The following GRM5 variants were observed in gnomAD, a reference collection of about 807,000 sequenced individuals.
The protein encoded by GRM5 is glutamate metabotropic receptor 5.
GRM5 carries 19 observed loss-of-function variants against 83.1 expected under a neutral mutation model. That is an observed-to-expected ratio of 0.23 (90% CI 0.16 to 0.34). The LOEUF (loss-of-function observed/expected upper bound fraction) is 0.34. Ranked by LOEUF, GRM5 falls within the 10% of genes least tolerant of loss-of-function variation. The pLI is 1.00. For missense variants in GRM5, 1,160 were observed against 1,588.3 expected (o/e 0.73, Z 4.58); for synonymous variants, 675 against 633.6 (o/e 1.07, Z -0.98).
intron 8 of GRM5, among the ~76,000 whole-genome samples, chr11:88,563,369 T>C (rs1354304927): frequency 6.6e-6 from 1 of 152,194 alleles, no homozygotes; most frequent in Non-Finnish European, 1.5e-5. Flanking sequence ...GTACAAACTT[T>C]TGGAGACATA....
At chr11:88,992,022 T>A (rs1472961625) in intron 2 of GRM5, among the ~76,000 whole-genome samples, 2 of 152,084 alleles carry the variant, frequency 1.3e-5, no homozygotes, top group Non-Finnish European at 2.9e-5. Context: ...TGGGATCTAA[T>A]TAAACTAAAG....
At chr11:88,609,348 A>G (rs1938254644) in intron 4 of GRM5, among the ~76,000 whole-genome samples, 1 of 152,128 alleles carries the variant, frequency 6.6e-6, no homozygotes, top group Non-Finnish European at 1.5e-5. Context: ...TTAGTATTTC[A>G]TGGTGTATAT....
At chr11:88,657,239 C>T (rs1939786916) in intron 3 of GRM5, among the ~76,000 whole-genome samples, 2 of 152,056 alleles carry the variant, frequency 1.3e-5, no homozygotes, top group Non-Finnish European at 2.9e-5. Flanking sequence ...GGTCATTATT[C>T]ACTAATTTAC....
At chr11:88,542,634 T>C (rs1034566554) in intron 8 of GRM5, among the ~76,000 whole-genome samples, 4 of 152,342 alleles carry the variant, frequency 2.6e-5, no homozygotes, top group African/African-American at 7.2e-5. Flanking sequence ...TCTAGATACC[T>C]GGCATAGTAC....
chr11:88,968,105 A>G (rs1445799387), intron 2 of GRM5, among the ~76,000 whole-genome samples: 1 of 152,118 alleles, frequency 6.6e-6, no homozygotes, highest in Non-Finnish European at 1.5e-5. Flanking sequence ...AAAAAGCCCA[A>G]TTCAGGCTTA....
intron 3 of GRM5, among the ~76,000 whole-genome samples, chr11:88,763,154 T>C (rs1389390142): frequency 6.6e-6 from 1 of 151,912 alleles, no homozygotes; most frequent in Non-Finnish European, 1.5e-5. Flanking sequence ...AACCTGCACA[T>C]GTACCCCTGA....
intron 3 of GRM5, among the ~76,000 whole-genome samples, chr11:88,686,729 T>C (rs1052140525): frequency 6.6e-6 from 1 of 152,170 alleles, no homozygotes; most frequent in African/African-American, 2.4e-5. Flanking sequence ...GTTTCCGCTT[T>C]TGCATCTTCC....
intron 2 of GRM5, among the ~76,000 whole-genome samples, chr11:88,957,420 A>T (rs753603883): frequency 3.9e-5 from 6 of 152,246 alleles, no homozygotes; most frequent in Non-Finnish European, 7.3e-5. Context: ...CTGAAGCATT[A>T]AGTGAGAAAA....
chr11:88,957,193 A>G (rs939874867), intron 2 of GRM5, among the ~76,000 whole-genome samples: 16 of 152,230 alleles, frequency 1.1e-4, no homozygotes, highest in African/African-American at 3.6e-4. Flanking sequence ...AGGTGACATC[A>G]CTAAGAAAGG....
intron 2 of GRM5, among the ~76,000 whole-genome samples, chr11:88,998,410 G>A (rs1392595661): frequency 6.6e-6 from 1 of 152,020 alleles, no homozygotes; most frequent in Non-Finnish European, 1.5e-5. Flanking sequence ...AGGAATATAG[G>A]AATAGAGAGA....
chr11:88,925,590 C>A (rs1310144336), intron 2 of GRM5, among the ~76,000 whole-genome samples: 2 of 152,046 alleles, frequency 1.3e-5, no homozygotes, highest in South Asian at 4.1e-4. Context: ...ACCTAAAAAT[C>A]AAAAAGCACC....
intron 3 of GRM5, among the ~76,000 whole-genome samples, chr11:88,668,297 G>GCGCA (rs1391845794): frequency 1.5e-5 from 2 of 130,118 alleles, no homozygotes; most frequent in African/African-American, 6.0e-5. Context: ...CCAGAAACTC[G>GCGCA]CACACACACA....
At chr11:88,682,688 G>A (rs1378117119) in intron 3 of GRM5, among the ~76,000 whole-genome samples, 2 of 151,854 alleles carry the variant, frequency 1.3e-5, no homozygotes, top group Non-Finnish European at 2.9e-5. Flanking sequence ...TGCCTATGAT[G>A]CTTTGTTTAT....
chr11:88,592,646 T>C (rs1937667773), intron 6 of GRM5, among the ~76,000 whole-genome samples: 1 of 152,238 alleles, frequency 6.6e-6, no homozygotes, highest in Non-Finnish European at 1.5e-5. Flanking sequence ...CATTACAATC[T>C]CTTTTTGAAT....
chr11:88,559,027 G>T (rs1307763301), intron 8 of GRM5, among the ~76,000 whole-genome samples: 1 of 151,884 alleles, frequency 6.6e-6, no homozygotes, highest in Non-Finnish European at 1.5e-5. Context: ...AGTAGTGTAA[G>T]TCTTCTCAAT....
At chr11:88,954,369 T>A (rs1590993530) in intron 2 of GRM5, among the ~76,000 whole-genome samples, 1 of 151,874 alleles carries the variant, frequency 6.6e-6, no homozygotes, top group Non-Finnish European at 1.5e-5. Flanking sequence ...GAGAGAATGC[T>A]AAAGTGTTTT....
chr11:88,761,566 TG>T (rs1183708123), intron 3 of GRM5, among the ~76,000 whole-genome samples: 1 of 151,904 alleles, frequency 6.6e-6, no homozygotes, highest in Non-Finnish European at 1.5e-5. Context: ...CACAAACAAA[TG>T]AAAAATCATT....
rs548097231 is a variant in GRM5 at position 88,871,407 on chromosome 11, A to C, written c.662-21252T>G. 2.6e-5 allele frequency among the ~76,000 whole-genome samples: 4 copies of C among 151,832 alleles called. No homozygotes were observed. In the East Asian group the frequency reaches 7.7e-4, roughly 29 times the overall value. On this transcript the variant is annotated intron_variant, in intron 2 of 9. Transcript: ENST00000305447. ...GAGGAGACCTACATGCATCTAAGAA[A>C]GATGATGATTCCAGAATGGAAAGGT...
intron 6 of GRM5, among the ~76,000 whole-genome samples, chr11:88,596,745 T>C (rs886603626): frequency 3.9e-5 from 6 of 152,136 alleles, no homozygotes; most frequent in African/African-American, 1.4e-4. Flanking sequence ...ACATTTTACA[T>C]GATATTGCTT....
Sources: allele counts gnomAD v4.1 joint callset (sites outside exome capture counted in the v4.1 genomes callset), GRCh38; gene constraint gnomAD v4.1.1; transcripts MANE v1.5; gene names NCBI Gene and HGNC (gene_info 2026-07-23, HGNC 2026-07-21).